CLDN14: variants seen among roughly 807,000 people sequenced by gnomAD.
CLDN14 encodes claudin-14.
Under a neutral mutation model 2.1 loss-of-function variants are expected in CLDN14, and 2 were observed. That is an observed-to-expected ratio of 0.96 (90% confidence interval 0.39 to 3.01). The LOEUF is 3.01. Among genes scored for constraint, CLDN14 ranks in the 30% most tolerant of loss-of-function variants. The pLI is 0.09. For synonymous variants in CLDN14, 136 were observed against 154.4 expected, an observed-to-expected ratio of 0.88 and a Z score of 0.88; for missense variants, 298 against 328.0, an observed-to-expected ratio of 0.91 and a Z score of 0.71.
At chr21:36,485,958 G>A (rs1336878496) in intron 2 of CLDN14, 4 of 1,366,226 alleles carry the variant, frequency 2.9e-6, no homozygotes, top group Non-Finnish European at 4.1e-6. Context: ...CCCTGAGCAG[G>A]CTCAGCTACC....
At chr21:36,548,607 G>A (rs1310665881) in intron 1 of CLDN14, among the ~76,000 whole-genome samples, 1 of 152,190 alleles carries the variant, frequency 6.6e-6, no homozygotes, top group African/African-American at 2.4e-5. Flanking sequence ...TCTGTGGCAG[G>A]TTAGAGGGTT....
At chr21:36,475,610 G>A (rs1027587231) in intron 1 of CLDN14, among the ~76,000 whole-genome samples, 2 of 152,160 alleles carry the variant, frequency 1.3e-5, no homozygotes, top group Admixed American at 1.3e-4. Flanking sequence ...GAGTGCAGTG[G>A]CACAATCACG....
intron 1 of CLDN14, among the ~76,000 whole-genome samples, chr21:36,532,885 C>A (rs1293552845): frequency 1.3e-5 from 2 of 152,158 alleles, no homozygotes; most frequent in Non-Finnish European, 2.9e-5. Flanking sequence ...TATAAAGTTA[C>A]CATGCTGTCA....
rs1392532214 is a variant in CLDN14, at chr21:36,498,689, G to C, written c.-82+11674C>G. Among the ~76,000 whole-genome samples, 6 of 152,188 alleles carry C rather than the reference G, an allele frequency of 3.9e-5. No individual in the cohort carries two copies. The East Asian group carries it at 9.6e-4, about 24-fold the overall frequency. On this transcript the variant is annotated intron_variant, in intron 2 of 2. Transcript: ENST00000342108. This position sits in a 1 kb window ranked among gnomAD's most constrained non-coding sequence, Gnocchi z 4.9. ...ATGAACATAGGATCTGGCTGTGGCA[G>C]ACAGCAGCCTACAGAAAGGTGGGGG...
intron 1 of CLDN14, among the ~76,000 whole-genome samples, chr21:36,547,477 C>A (rs2072088754): frequency 6.6e-6 from 1 of 152,156 alleles, no homozygotes; most frequent in Non-Finnish European, 1.5e-5. Context: ...TCCGACAGAG[C>A]TTTCCAGAGT....
At chr21:36,569,655 C>T (rs2087695125) in intron 1 of CLDN14, among the ~76,000 whole-genome samples, 1 of 152,104 alleles carries the variant, frequency 6.6e-6, no homozygotes, top group Non-Finnish European at 1.5e-5. Flanking sequence ...TGACGGAGAA[C>T]CTAATAACCC....
intron 1 of CLDN14, among the ~76,000 whole-genome samples, chr21:36,529,814 A>G (rs2087365193): frequency 6.6e-6 from 1 of 152,228 alleles, no homozygotes; most frequent in African/African-American, 2.4e-5. Context: ...TCTAAAAATT[A>G]ATTGTTACCT....
Position 36,505,180 on chromosome 21 carries a change from T to C in CLDN14, c.-82+5183A>G, listed in dbSNP as rs151058702. 2.6e-5 allele frequency among the ~76,000 whole-genome samples: 4 copies of C among 152,196 alleles called. No individual in the cohort carries two copies. In the East Asian group the frequency reaches 7.7e-4, roughly 29 times the overall value. ...TATCTCAAAACTTGTATAACAAATT[T>C]AAACAGGTTTACGTCTGCTAAATCT... is the stretch of plus-strand genomic sequence containing the variant. On this transcript the variant is annotated intron_variant, in intron 2 of 2. Transcript: ENST00000342108.
intron 2 of CLDN14, among the ~76,000 whole-genome samples, chr21:36,495,261 G>A (rs149461248): frequency 0.037 from 5,591 of 152,236 alleles, 310 homozygotes; most frequent in African/African-American, 0.12. Flanking sequence ...CCCGGGAGGC[G>A]GAGGTTGCTG....
intron 1 of CLDN14, among the ~76,000 whole-genome samples, chr21:36,575,943 C>T (rs1251046007): frequency 6.6e-6 from 1 of 152,188 alleles, no homozygotes; most frequent in South Asian, 2.1e-4. Context: ...GACCCTCGCA[C>T]CATCCAGAAA....
chr21:36,496,186 A>G (rs375350181), intron 2 of CLDN14, among the ~76,000 whole-genome samples: 20 of 152,260 alleles, frequency 1.3e-4, no homozygotes, highest in African/African-American at 4.8e-4. Flanking sequence ...CTGTAATTCC[A>G]GCACTTTGGG....
At chr21:36,564,763 CA>C (rs2087660869) in intron 1 of CLDN14, among the ~76,000 whole-genome samples, 1 of 152,200 alleles carries the variant, frequency 6.6e-6, no homozygotes, top group South Asian at 2.1e-4. Flanking sequence ...AGGAGATTAT[CA>C]GGTGAGCCCA....
At chr21:36,550,595 C>A (rs1012321890) in intron 1 of CLDN14, among the ~76,000 whole-genome samples, 2 of 152,188 alleles carry the variant, frequency 1.3e-5, no homozygotes, top group African/African-American at 4.8e-5. Context: ...GGTTTCTAAC[C>A]TGGTCCCCAC....
At position 36,537,659 on chromosome 21, in the gene CLDN14, T is replaced by TTC. The variant is rs990966606; in HGVS notation, c.-219-27160_-219-27159insGA. On this transcript the variant is annotated intron_variant, in intron 1 of 2. Coordinates refer to the CLDN14 transcript ENST00000342108. ...TTCTTTGTTTTTCTTTTCTTTTCTT[T>TTC]TTTTTTTTGAGACGGAGTCTCGCTC... 1.7e-4 allele frequency among the ~76,000 whole-genome samples: 25 copies of TTC among 150,268 alleles called. 2 individuals are homozygous for TTC. The South Asian group carries it at 5.0e-3, about 30-fold the overall frequency.
chr21:36,561,831 A>G (rs1326715957), intron 1 of CLDN14, among the ~76,000 whole-genome samples: 1 of 152,092 alleles, frequency 6.6e-6, no homozygotes, highest in African/African-American at 2.4e-5. Context: ...AGGAGCAGGC[A>G]CTACTCCCTC....
At chr21:36,487,415 G>A in intron 2 of CLDN14, 1 of 164,402 alleles carries the variant, frequency 6.1e-6, no homozygotes. Flanking sequence ...ACACCATCCT[G>A]CCACCCTCCT....
At chr21:36,524,413 C>CG (rs1009360944) in intron 1 of CLDN14, among the ~76,000 whole-genome samples, 37 of 152,336 alleles carry the variant, frequency 2.4e-4, no homozygotes, top group African/African-American at 8.9e-4. Flanking sequence ...TGAGCCACGG[C>CG]GCCTGGCCTG....
chr21:36,475,828 C>T (rs1343349406), intron 1 of CLDN14, among the ~76,000 whole-genome samples: 2 of 152,056 alleles, frequency 1.3e-5, no homozygotes, highest in African/African-American at 2.4e-5. Context: ...GTGCACGCCA[C>T]CACACCCAGC....
intron 1 of CLDN14, among the ~76,000 whole-genome samples, chr21:36,528,212 G>A (rs887833479): frequency 6.6e-6 from 1 of 152,112 alleles, no homozygotes; most frequent in African/African-American, 2.4e-5. Flanking sequence ...TATTAATAAG[G>A]TATGAATAAT....
Sources: gnomAD v4.1 joint callset for allele counts (sites outside exome capture counted in the v4.1 genomes callset) on GRCh38, gnomAD v4.1.1 for gene constraint, Gnocchi (gnomAD v3.1) non-coding constraint, MANE v1.5 for transcripts, NCBI Gene and HGNC (gene_info 2026-07-23, HGNC 2026-07-21) for gene names.